GSDME: variants seen among roughly 807,000 people sequenced by gnomAD.
GSDME encodes gasdermin-E.
In GSDME, 44 loss-of-function variants were observed where a neutral mutation model predicts 47.5. That is an observed-to-expected ratio of 0.93 (90% confidence interval 0.73 to 1.19). GSDME has a LOEUF of 1.19. Ranked by LOEUF, GSDME falls within the 50% of genes most tolerant of loss-of-function variation. The pLI is 0.00. For synonymous variants in GSDME, 258 were observed against 252.8 expected, an observed-to-expected ratio of 1.02 and a Z score of -0.20; for missense variants, 663 against 604.2, an observed-to-expected ratio of 1.10 and a Z score of -1.02.
intron 3 of GSDME, among the ~76,000 whole-genome samples, chr7:24,741,436 A>C (rs908569032): frequency 4.6e-5 from 7 of 152,178 alleles, no homozygotes; most frequent in African/African-American, 1.7e-4. Flanking sequence ...CAAGAATGCT[A>C]AGATCTGCAC....
At chr7:24,708,513 A>T (rs1411717423) in intron 6 of GSDME, among the ~76,000 whole-genome samples, 1 of 152,182 alleles carries the variant, frequency 6.6e-6, no homozygotes, top group African/African-American at 2.4e-5. Flanking sequence ...TTCTCTGATG[A>T]CTCACTAAAC....
At chr7:24,769,289 A>G in the GSDME span, among the ~76,000 whole-genome samples, 1 of 152,206 alleles carries the variant, frequency 6.6e-6, no homozygotes, top group South Asian at 2.1e-4. Context: ...CAGGGTGGAC[A>G]AGTCTGAGAG....
At chr7:24,706,693 G>A (rs1033044406) in intron 7 of GSDME, among the ~76,000 whole-genome samples, 12 of 152,340 alleles carry the variant, frequency 7.9e-5, no homozygotes, top group African/African-American at 2.4e-4. Flanking sequence ...TGGGGAGGGC[G>A]ATGTTCAAGC....
the GSDME span, among the ~76,000 whole-genome samples, chr7:24,772,478 C>T: frequency 4.6e-5 from 7 of 152,216 alleles, no homozygotes; most frequent in Non-Finnish European, 8.8e-5. This position sits in a 1 kb window ranked among gnomAD's most constrained non-coding sequence, Gnocchi z 4.5. Context: ...TTGCTCACTG[C>T]TGTGTCCTCA....
the GSDME span, among the ~76,000 whole-genome samples, chr7:24,784,841 T>C: frequency 1.3e-5 from 2 of 152,080 alleles, no homozygotes; most frequent in Non-Finnish European, 2.9e-5. Flanking sequence ...CTTACAGGTG[T>C]GAGCCACCGC....
In GSDME at chr7:24,699,009, C is replaced by A. The variant is rs371973328; in HGVS notation, c.*17G>T. ...TAGCCTTGGCCAGTAACACGTACTT[C>A]TAGTTCACATATGACATCATGAATG... is the stretch of plus-strand genomic sequence containing the variant. On this transcript the variant is annotated 3_prime_UTR_variant, in exon 10 of 10. Transcript: ENST00000645220. 3 of 1,558,276 alleles carry A rather than the reference C, an allele frequency of 1.9e-6. No individual in the cohort carries two copies. The highest frequency in any genetic ancestry group is 2.7e-5 in the African/African-American group (2 of 73,682).
intron 3 of GSDME, among the ~76,000 whole-genome samples, chr7:24,719,831 G>A (rs1397923303): frequency 2.0e-5 from 3 of 151,838 alleles, no homozygotes; most frequent in Non-Finnish European, 4.4e-5. Flanking sequence ...TAACCAGGAA[G>A]GAAACTGCAA....
chr7:24,698,814 G>A lies in GSDME; in HGVS notation c.*212C>T. ...ATGCTGGAACCTAACTCAGATGCTG[G>A]GTCACCAGCACAGGAGGGCCTCTGA... On this transcript the variant is annotated 3_prime_UTR_variant, in exon 10 of 10. Transcript: ENST00000645220. 3.4e-6 allele frequency: 2 copies of A among 584,772 alleles called. No homozygotes were observed. Among genetic ancestry groups the A allele is most frequent in the East Asian group, 3.0e-5 (1 of 33,896 alleles). 36.2% of individuals were successfully genotyped at this position (584,772 alleles called of 1,614,324 possible).
intron 3 of GSDME, among the ~76,000 whole-genome samples, chr7:24,730,120 C>G (rs917941342): frequency 6.6e-6 from 1 of 152,172 alleles, no homozygotes; most frequent in African/African-American, 2.4e-5. Context: ...CTGGAGGGTT[C>G]AGAGAGATGA....
intron 3 of GSDME, among the ~76,000 whole-genome samples, chr7:24,723,519 A>C (rs1789866197): frequency 6.6e-6 from 1 of 152,240 alleles, no homozygotes. Context: ...TTTTATTATA[A>C]GCATTTAAAG....
rs570469495 is a variant in GSDME, at chr7:24,719,744, G to C, written c.405-526C>G. Among the ~76,000 whole-genome samples, 11 of 151,896 alleles carry C rather than the reference G, an allele frequency of 7.2e-5. No homozygotes were observed. The South Asian group carries it at 2.3e-3, about 32-fold the overall frequency. On this transcript the variant is annotated intron_variant, in intron 3 of 9. Transcript: ENST00000645220. ...GGAGGCGGAATTTGCAATGAGCTGA[G>C]ATCATGCCATTGCGCTCCAGCCAGG...
chr7:24,744,372 C>T lies in GSDME; in HGVS notation c.404+190G>A. ...AGTGCTTCCCAAGTCTCCCCCCACT[C>T]AGGCTAAGAACAGTCAAGCAATTCC... On this transcript the variant is annotated intron_variant, in intron 3 of 9. Coordinates refer to ENST00000645220, the MANE Select transcript of GSDME (RefSeq NM_001127453.2). This position sits in a 1 kb window ranked among gnomAD's most constrained non-coding sequence, Gnocchi z 4.5. 1 of 658,046 alleles carries T rather than the reference C, an allele frequency of 1.5e-6. No homozygotes were observed. The highest frequency in any genetic ancestry group is 1.8e-5 in the South Asian group (1 of 54,250). 40.8% of individuals were successfully genotyped at this position (658,046 alleles called of 1,614,324 possible).
upstream of GSDME, among the ~76,000 whole-genome samples, chr7:24,762,451 CT>C (rs1791181375): frequency 6.6e-6 from 1 of 152,086 alleles, no homozygotes; most frequent in Non-Finnish European, 1.5e-5. Flanking sequence ...GATATACAAA[CT>C]TTTTTCATCT....
At chr7:24,707,963 G>T in intron 7 of GSDME, 164 bp downstream of exon 7, 1 of 791,998 alleles carries the variant, frequency 1.3e-6, no homozygotes, top group Non-Finnish European at 2.0e-6. Context: ...CCCGATGCCA[G>T]CTACCTGTCT....
chr7:24,752,241 A>G (rs1326839646), intron 1 of GSDME, among the ~76,000 whole-genome samples: 1 of 152,172 alleles, frequency 6.6e-6, no homozygotes, highest in Admixed American at 6.5e-5. Flanking sequence ...ACAGACTGGA[A>G]AGACTGGTCA....
Position 24,705,192 on chromosome 7 carries a change from T to G in GSDME, c.1183+992A>C, listed in dbSNP as rs944025032. ...GTGTATTAGCTCCTGACAGAATGCCTGTTCTGAAAGACTCTAATACCCGGA... is the reference window on the plus strand; with the variant it reads ...GTGTATTAGCTCCTGACAGAATGCCGGTTCTGAAAGACTCTAATACCCGGA... On this transcript the variant is annotated intron_variant, in intron 8 of 9. Coordinates refer to ENST00000645220, the MANE Select transcript of GSDME (RefSeq NM_001127453.2). The surrounding 1 kb of genome is among the most constrained non-coding windows in gnomAD (Gnocchi z 4.1). The G allele has an allele frequency of 1.3e-5, 2 of 152,230 alleles. No homozygotes were observed. The highest frequency in any genetic ancestry group is 2.9e-5 in the Non-Finnish European group (2 of 68,046). The allele number at this position is 152,230 out of a possible 1,614,324, so 9.4% of individuals were successfully genotyped here. A position where few individuals can be genotyped will look rare whatever the true frequency, so the allele number is the denominator to read the frequency against.
chr7:24,706,175 T>C lies in GSDME; in HGVS notation c.1183+9A>G. 1 of 1,614,186 alleles carries C rather than the reference T, an allele frequency of 6.2e-7. No individual in the cohort carries two copies. Among genetic ancestry groups the C allele is most frequent in the Non-Finnish European group, 8.5e-7 (1 of 1,180,024 alleles). ...AGCAGCCATTTCTTTCATTTTCTTT[T>C]CTCCTTACCTGCGAGGGCACTGACC... On this transcript the variant is annotated intron_variant, in intron 8 of 9. Transcript: ENST00000645220.
chr7:24,701,494 G>A (rs1186050463), intron 9 of GSDME, among the ~76,000 whole-genome samples: 1 of 152,168 alleles, frequency 6.6e-6, no homozygotes, highest in East Asian at 1.9e-4. Context: ...TAGATAACAT[G>A]GGCTTGGCAG....
intron 3 of GSDME, among the ~76,000 whole-genome samples, chr7:24,720,318 T>TA (rs1789731021): frequency 6.6e-6 from 1 of 152,236 alleles, no homozygotes; most frequent in Non-Finnish European, 1.5e-5. Flanking sequence ...AGAACCAAAC[T>TA]AGAGTTGGTG....
Sources: gnomAD v4.1 joint callset for allele counts (sites outside exome capture counted in the v4.1 genomes callset) on GRCh38, gnomAD v4.1.1 for gene constraint, Gnocchi (gnomAD v3.1) non-coding constraint, MANE v1.5 for transcripts, NCBI Gene and HGNC (gene_info 2026-07-23, HGNC 2026-07-21) for gene names.